Variants in KCTD21 observed in about 807,000 individuals in gnomAD.
The protein encoded by KCTD21 is potassium channel tetramerization domain containing 21, also known as BTB/POZ domain-containing protein KCTD21.
In KCTD21, 9 loss-of-function variants were observed where a neutral mutation model predicts 13.2. That is an observed-to-expected ratio of 0.68 (90% CI 0.41 to 1.19). KCTD21 has a LOEUF of 1.19. KCTD21 is among the 50% of genes most tolerant of loss of function. The probability of loss-of-function intolerance (pLI) is 0.01; values close to 1 mark genes in which losing one functional copy is unlikely to be tolerated. For synonymous variants in KCTD21, 142 were observed against 137.4 expected, an observed-to-expected ratio of 1.03 and a Z score of -0.23; for missense variants, 303 against 336.5, an observed-to-expected ratio of 0.90 and a Z score of 0.78.
rs772092002 is a variant in KCTD21, at chr11:78,174,538, G to T, written c.17C>A (p.Thr6Lys). The change falls in exon 2 of 2, where the codon ACG (threonine) becomes AAG (lysine). Residue 6 changes from threonine to lysine, a missense_variant. Coordinates refer to ENST00000340067, the MANE Select transcript of KCTD21 (RefSeq NM_001029859.3). ...ATAGAGCTTCCCCCCGACGTTCAGC[G>T]TGATGGGGTCGGACATGGCAGGAGA... Reference protein sequence around the residue: MSDPITLNVGGKLYTT... With the variant: MSDPIKLNVGGKLYTT... The T allele has an allele frequency of 1.8e-5, 29 of 1,612,548 alleles. No individual in the cohort carries two copies. The highest frequency in any genetic ancestry group is 3.3e-5 in the Admixed American group (2 of 59,758).
chr11:78,174,258 C>T lies in KCTD21; in HGVS notation c.297G>A (p.Lys99=). The change falls in exon 2 of 2, where the codon AAG becomes AAA. Residue 99 remains lysine, a synonymous_variant. Transcript: ENST00000340067. ...TCTCGGCCTTGGAGAGCTCCACTTC[C>T]TTCTCCTGCAGGGCCTCAATCAGGG... is the stretch of plus-strand genomic sequence containing the variant. ...VQPLIEALQE[K]EVELSKAEKN... 4 of 1,614,060 alleles carry T rather than the reference C, an allele frequency of 2.5e-6. No individual in the cohort carries two copies. Among genetic ancestry groups the T allele is most frequent in the Non-Finnish European group, 3.4e-6 (4 of 1,180,026 alleles).
intron 1 of KCTD21, among the ~76,000 whole-genome samples, chr11:78,178,819 A>G (rs1019624312): frequency 2.0e-5 from 3 of 152,154 alleles, no homozygotes; most frequent in Admixed American, 1.3e-4. Context: ...AATTAACACC[A>G]AATTCCTAAA....
intron 1 of KCTD21, among the ~76,000 whole-genome samples, chr11:78,181,835 G>GA (rs35621869): frequency 3.3e-5 from 5 of 151,756 alleles, no homozygotes; most frequent in Admixed American, 6.6e-5. Context: ...CCATAAACAG[G>GA]AAAAAAAATG....
At chr11:78,176,422 TGTCA>T (rs1374064665) in intron 1 of KCTD21, 4 of 152,360 alleles carry the variant, frequency 2.6e-5, no homozygotes, top group African/African-American at 9.6e-5. Context: ...ATCTCTCAGC[TGTCA>T]GCATCTATGG....
intron 1 of KCTD21, among the ~76,000 whole-genome samples, chr11:78,180,899 T>TAGTGAGTG (rs60370686): frequency 1.3e-5 from 2 of 151,568 alleles, no homozygotes; most frequent in Non-Finnish European, 2.9e-5. Flanking sequence ...GTTCTTGTGA[T>TAGTGAGTG]AGTGAGTTCT....
chr11:78,174,240 C>T lies in KCTD21; in HGVS notation c.315G>A (p.Lys105=). ...TGTTGAGCATGGCATTCTTCTCGGCCTTGGAGAGCTCCACTTCCTTCTCCT... is the reference window on the plus strand; with the variant it reads ...TGTTGAGCATGGCATTCTTCTCGGCTTTGGAGAGCTCCACTTCCTTCTCCT... ...ALQEKEVELS[K]AEKNAMLNIT... The change falls in exon 2 of 2, where the codon AAG becomes AAA. Residue 105 remains lysine, a synonymous_variant. Coordinates refer to ENST00000340067, the MANE Select transcript of KCTD21 (RefSeq NM_001029859.3). The T allele has an allele frequency of 6.2e-7, 1 of 1,614,066 alleles. No individual in the cohort carries two copies. The highest frequency in any genetic ancestry group is 8.5e-7 in the Non-Finnish European group (1 of 1,180,038).
rs1020441334 is a variant in KCTD21, at chr11:78,188,596, C to G, written c.-53G>C. 2.0e-6 allele frequency: 2 copies of G among 985,576 alleles called. No homozygotes were observed. The highest frequency in any genetic ancestry group is 9.4e-5 in the South Asian group (2 of 21,298). 61.1% of individuals were successfully genotyped at this position (985,576 alleles called of 1,614,324 possible). On this transcript the variant is annotated 5_prime_UTR_variant, in exon 1 of 2. Transcript: ENST00000340067. The stretch of plus-strand genomic sequence containing the variant: ...ACCTCCTGCCCTCGCTCTGCAGCCT[C>G]TCCCTCCGCGAGCGGCCAGCGCAGC...
Position 78,173,745 on chromosome 11 carries a change from C to T in KCTD21, c.*27G>A. On this transcript the variant is annotated 3_prime_UTR_variant, in exon 2 of 2. Transcript: ENST00000340067. ...GGCTGACATGAGCTTCCTGGGACTCCCCATCTCCAGTGTTGTTGGGGTCCT... is the reference window on the plus strand; with the variant it reads ...GGCTGACATGAGCTTCCTGGGACTCTCCATCTCCAGTGTTGTTGGGGTCCT... The T allele has an allele frequency of 6.3e-7, 1 of 1,580,332 alleles. No individual in the cohort carries two copies. Among genetic ancestry groups the T allele is most frequent in the Non-Finnish European group, 8.6e-7 (1 of 1,160,410 alleles).
At chr11:78,187,525 A>T in intron 1 of KCTD21, 1 of 985,310 alleles carries the variant, frequency 1.0e-6, no homozygotes, top group Non-Finnish European at 1.2e-6. Flanking sequence ...TCCAACAACC[A>T]CTACCATCCC....
chr11:78,178,235 C>T (rs1862514650), intron 1 of KCTD21, among the ~76,000 whole-genome samples: 1 of 151,952 alleles, frequency 6.6e-6, no homozygotes, highest in Non-Finnish European at 1.5e-5. Flanking sequence ...AAGCGACACT[C>T]CTGCCTCAGC....
rs749462340 is a variant in KCTD21 at position 78,174,528 on chromosome 11, G to A, written c.27C>T (p.Val9=). Residue 9 remains valine (V), a synonymous_variant, in exon 2 of 2, where the codon GTC becomes GTT. Transcript: ENST00000340067. MSDPITLN[V]GGKLYTTSLA... ...GTGAGGTTGTATAGAGCTTCCCCCC[G>A]ACGTTCAGCGTGATGGGGTCGGACA... The A allele has an allele frequency of 3.0e-5, 48 of 1,613,068 alleles. No individual in the cohort carries two copies. The Admixed American group carries it at 6.0e-4, about 20-fold the overall frequency.
At chr11:78,186,402 A>AAAAAAAAAAAAAAAAAAC (rs71046958) in intron 1 of KCTD21, among the ~76,000 whole-genome samples, 1 of 132,012 alleles carries the variant, frequency 7.6e-6, no homozygotes, top group Non-Finnish European at 1.7e-5. Flanking sequence ...AAAAAAAAAA[A>AAAAAAAAAAAAAAAAAAC]AAAAAGAAAA....
In KCTD21 at chr11:78,177,368, C is replaced by G. The variant is rs557374568; in HGVS notation, c.-29-2785G>C. 3.9e-5 allele frequency among the ~76,000 whole-genome samples: 6 copies of G among 152,278 alleles called. No homozygotes were observed. In the South Asian group the frequency reaches 1.2e-3, roughly 32 times the overall value. On this transcript the variant is annotated intron_variant, in intron 1 of 1. Coordinates refer to ENST00000340067, the MANE Select transcript of KCTD21 (RefSeq NM_001029859.3). ...TGAAATACGAAATCGTCAGTAGAAG[C>G]CTGGAGCAGATGGGCTGCGAGACGG...
chr11:78,188,068 C>T, intron 1 of KCTD21: 1 of 985,430 alleles, frequency 1.0e-6, no homozygotes, highest in African/African-American at 1.7e-5. Flanking sequence ...GCATCACAGG[C>T]TTTTGCCCAC....
intron 1 of KCTD21, chr11:78,188,197 C>G (rs897077022): frequency 2.0e-6 from 2 of 985,166 alleles, no homozygotes; most frequent in African/African-American, 3.5e-5. Flanking sequence ...TGTTCCGCAC[C>G]CACTCCCCAG....
At position 78,173,510 on chromosome 11, in the gene KCTD21, C is replaced by G; in HGVS notation, c.*262G>C. 1 of 443,192 alleles carries G rather than the reference C, an allele frequency of 2.3e-6. No homozygotes were observed. Among genetic ancestry groups the G allele is most frequent in the Non-Finnish European group, 4.1e-6 (1 of 245,186 alleles). The allele number at this position is 443,192 out of a possible 1,614,324, so 27.5% of individuals were successfully genotyped here. A position where few individuals can be genotyped will look rare whatever the true frequency, so the allele number is the denominator to read the frequency against. ...GGCTGGAAAATCCTCCTATGGCCTC[C>G]TTTAGTACACATCAGCTGACTCTTC... On this transcript the variant is annotated 3_prime_UTR_variant, in exon 2 of 2. Transcript: ENST00000340067.
In KCTD21 at chr11:78,174,550, G is replaced by C. The variant is rs1385241307; in HGVS notation, c.5C>G (p.Ser2Cys). 6.2e-7 allele frequency: 1 copy of C among 1,609,548 alleles called. No individual in the cohort carries two copies. The highest frequency in any genetic ancestry group is 1.3e-5 in the African/African-American group (1 of 74,872). Reference sequence around the variant, plus strand: ...CCCGACGTTCAGCGTGATGGGGTCGGACATGGCAGGAGACTGGGTTGCTGG... The same window carrying C: ...CCCGACGTTCAGCGTGATGGGGTCGCACATGGCAGGAGACTGGGTTGCTGG... Reference protein sequence around the residue: MSDPITLNVGGK... With the variant: MCDPITLNVGGK... Residue 2 changes from serine (S) to cysteine (C), a missense_variant, in exon 2 of 2, where the codon TCC (serine) becomes TGC (cysteine). By Grantham distance (112) the Ser-to-Cys change is moderately radical (BLOSUM62 -1). Coordinates refer to ENST00000340067, the MANE Select transcript of KCTD21 (RefSeq NM_001029859.3).
rs1862342248 is a variant in KCTD21 at position 78,173,445 on chromosome 11, A to G, written c.*327T>C. 3.9e-6 allele frequency: 1 copy of G among 256,400 alleles called. No homozygotes were observed. The highest frequency in any genetic ancestry group is 7.5e-6 in the Non-Finnish European group (1 of 133,032). The allele number at this position is 256,400 out of a possible 1,614,324, so 15.9% of individuals were successfully genotyped here. ...AATGCGGCACTGGCTAGCGGTACAGAGAGATGGAGCCCAGGAGAAAACTGC... is the reference window on the plus strand; with the variant it reads ...AATGCGGCACTGGCTAGCGGTACAGGGAGATGGAGCCCAGGAGAAAACTGC... On this transcript the variant is annotated 3_prime_UTR_variant, in exon 2 of 2. Transcript: ENST00000340067.
chr11:78,183,404 C>T (rs371986163), intron 1 of KCTD21, among the ~76,000 whole-genome samples: 55 of 151,746 alleles, frequency 3.6e-4, no homozygotes, highest in African/African-American at 1.3e-3. Context: ...GGCGGGGTGG[C>T]GTGCGCCTGT....
Sources: gnomAD v4.1 joint callset for allele counts (sites outside exome capture counted in the v4.1 genomes callset) on GRCh38, gnomAD v4.1.1 for gene constraint, MANE v1.5 for transcripts, NCBI Gene and HGNC (gene_info 2026-07-23, HGNC 2026-07-21) for gene names.